The following SGCZ variants were observed in gnomAD, a reference collection of about 807,000 sequenced individuals.
SGCZ encodes zeta-sarcoglycan.
A neutral mutation model predicts 41.3 loss-of-function variants in SGCZ; 40 were observed. The observed-to-expected ratio is 0.97, with a 90% CI of 0.75 to 1.26. The LOEUF is 1.26. SGCZ is among the 50% of genes most tolerant of loss of function. The pLI is 0.00. For missense variants in SGCZ, 552 were observed against 369.8 expected, an observed-to-expected ratio of 1.49 and a Z score of -4.04; for synonymous variants, 206 against 137.5, an observed-to-expected ratio of 1.50 and a Z score of -3.49.
intron 1 of SGCZ, among the ~76,000 whole-genome samples, chr8:15,147,217 T>C (rs1799058304): frequency 6.6e-6 from 1 of 152,176 alleles, no homozygotes; most frequent in Admixed American, 6.5e-5. Context: ...CAACACATTC[T>C]ATCATCCTCA....
At chr8:15,217,886 G>C (rs189160742) in intron 1 of SGCZ, among the ~76,000 whole-genome samples, 18 of 152,248 alleles carry the variant, frequency 1.2e-4, no homozygotes, top group Middle Eastern at 3.4e-3. Flanking sequence ...TGAGGAGTTA[G>C]AGACCAGGCT....
intron 1 of SGCZ, among the ~76,000 whole-genome samples, chr8:14,865,399 C>G (rs1383679165): frequency 2.6e-5 from 4 of 151,812 alleles, no homozygotes; most frequent in Non-Finnish European, 4.4e-5. Context: ...CCATAGAAAG[C>G]CAAAGATTTC....
intron 2 of SGCZ, among the ~76,000 whole-genome samples, chr8:14,365,749 T>A (rs1348632752): frequency 6.6e-6 from 1 of 152,158 alleles, no homozygotes; most frequent in African/African-American, 2.4e-5. Context: ...CCACTTATTT[T>A]GTCCATTTTG....
intron 2 of SGCZ, among the ~76,000 whole-genome samples, chr8:14,452,312 G>T (rs148777282): frequency 6.6e-6 from 1 of 151,916 alleles, no homozygotes; most frequent in African/African-American, 2.4e-5. Flanking sequence ...GGGGAGGGAC[G>T]AATTAACAGG....
At chr8:15,217,659 C>T (rs552281449) in intron 1 of SGCZ, among the ~76,000 whole-genome samples, 1 of 152,240 alleles carries the variant, frequency 6.6e-6, no homozygotes, top group South Asian at 2.1e-4. Flanking sequence ...GACTTGCATG[C>T]ACTGAGTTTT....
At chr8:14,116,618 C>G (rs918037177) in intron 5 of SGCZ, among the ~76,000 whole-genome samples, 1 of 152,060 alleles carries the variant, frequency 6.6e-6, no homozygotes, top group Non-Finnish European at 1.5e-5. Context: ...CAGATAAATT[C>G]TCTTCATCTT....
chr8:14,989,548 T>C (rs1007547390), intron 1 of SGCZ, among the ~76,000 whole-genome samples: 1 of 151,800 alleles, frequency 6.6e-6, no homozygotes, highest in Non-Finnish European at 1.5e-5. Flanking sequence ...TCTATCAAGG[T>C]GGGTAAGCAA....
chr8:14,523,050 T>A (rs1399128267), intron 2 of SGCZ, among the ~76,000 whole-genome samples: 2 of 151,996 alleles, frequency 1.3e-5, no homozygotes, highest in African/African-American at 4.8e-5. Flanking sequence ...ATTTTATCAG[T>A]TTGAATGAAG....
chr8:14,106,534 G>C (rs17118658), intron 6 of SGCZ, among the ~76,000 whole-genome samples: 4 of 151,986 alleles, frequency 2.6e-5, no homozygotes, highest in Non-Finnish European at 4.4e-5. Context: ...GAGTTGTTTA[G>C]GAAATTTTAT....
At chr8:14,392,389 A>T (rs1804808389) in intron 2 of SGCZ, among the ~76,000 whole-genome samples, 1 of 152,300 alleles carries the variant, frequency 6.6e-6, no homozygotes, top group Admixed American at 6.5e-5. Context: ...AGTTTTAATC[A>T]TCACTGAACT....
At chr8:14,935,601 ATATT>A (rs1404059660) in intron 1 of SGCZ, among the ~76,000 whole-genome samples, 2 of 152,038 alleles carry the variant, frequency 1.3e-5, no homozygotes, top group East Asian at 3.9e-4. Context: ...TAAAACTTAG[ATATT>A]TATTAATTAA....
intron 1 of SGCZ, among the ~76,000 whole-genome samples, chr8:14,863,013 T>A (rs1051541554): frequency 3.3e-5 from 5 of 152,122 alleles, no homozygotes; most frequent in African/African-American, 1.2e-4. Flanking sequence ...AATCAATCAA[T>A]TTTTGAAATC....
intron 2 of SGCZ, among the ~76,000 whole-genome samples, chr8:14,477,457 C>T (rs1253956304): frequency 4.6e-5 from 7 of 151,960 alleles, no homozygotes; most frequent in Admixed American, 2.6e-4. Context: ...TTTTATTATC[C>T]TATTAGTATT....
chr8:14,877,153 T>C (rs1266137476), intron 1 of SGCZ, among the ~76,000 whole-genome samples: 2 of 152,014 alleles, frequency 1.3e-5, no homozygotes, highest in Non-Finnish European at 2.9e-5. Flanking sequence ...TTTGATATTT[T>C]AGTAGAGACA....
intron 1 of SGCZ, among the ~76,000 whole-genome samples, chr8:14,850,005 T>C (rs1803257919): frequency 6.6e-6 from 1 of 152,226 alleles, no homozygotes; most frequent in Non-Finnish European, 1.5e-5. Flanking sequence ...AACATTCTAC[T>C]GAATAGCCCT....
intron 2 of SGCZ, among the ~76,000 whole-genome samples, chr8:14,331,055 A>G (rs1242052336): frequency 1.3e-5 from 2 of 151,776 alleles, no homozygotes; most frequent in African/African-American, 4.8e-5. Context: ...ATTATTTTGA[A>G]TATCTAAAGA....
chr8:14,762,650 AT>A (rs1799925352), intron 1 of SGCZ, among the ~76,000 whole-genome samples: 1 of 152,208 alleles, frequency 6.6e-6, no homozygotes, highest in Admixed American at 6.5e-5. Flanking sequence ...CATGAAAAAA[AT>A]CTTCAGGAAA....
At chr8:14,924,027 A>C (rs2130795234) in intron 1 of SGCZ, among the ~76,000 whole-genome samples, 1 of 152,338 alleles carries the variant, frequency 6.6e-6, no homozygotes, top group East Asian at 1.9e-4. Flanking sequence ...CAGAGGGTAA[A>C]CCTTCCCTAA....
At chr8:14,493,295 A>AAATACTTCTT (rs1203832000) in intron 2 of SGCZ, among the ~76,000 whole-genome samples, 1 of 148,484 alleles carries the variant, frequency 6.7e-6, no homozygotes, top group Non-Finnish European at 1.5e-5. Context: ...CTTAAATGTA[A>AAATACTTCTT]AATACTTCTT....
Sources: allele counts gnomAD v4.1 joint callset (sites outside exome capture counted in the v4.1 genomes callset), GRCh38; gene constraint gnomAD v4.1.1; transcripts MANE v1.5; gene names NCBI Gene and HGNC (gene_info 2026-07-23, HGNC 2026-07-21).